Variants in PAAF1 observed in about 807,000 individuals in gnomAD.
PAAF1 encodes proteasomal ATPase associated factor 1.
In PAAF1, 46 loss-of-function variants were observed where a neutral mutation model predicts 52.8. That is an observed-to-expected ratio of 0.87 (90% CI 0.69 to 1.11). The LOEUF is 1.11. PAAF1 is among the 50% of genes most tolerant of loss of function. The pLI, the probability that PAAF1 is intolerant of heterozygous loss-of-function variation, is 0.00. For missense variants in PAAF1, 424 were observed against 477.4 expected, an observed-to-expected ratio of 0.89 and a Z score of 1.04; for synonymous variants, 178 against 172.8, an observed-to-expected ratio of 1.03 and a Z score of -0.24.
chr11:73,918,896 C>T (rs1459521225), intron 9 of PAAF1, 54 bp from the exon 10 acceptor site: 12 of 1,342,538 alleles, frequency 8.9e-6, no homozygotes, highest in African/African-American at 1.4e-5. Context: ...TGAATATAGT[C>T]AAGTATTGCT....
At chr11:73,894,269 A>G (rs1006907204) in intron 4 of PAAF1, among the ~76,000 whole-genome samples, 1 of 152,068 alleles carries the variant, frequency 6.6e-6, no homozygotes, top group African/African-American at 2.4e-5. Context: ...CTGGGAGTCC[A>G]AGGCAGGAGG....
At chr11:73,878,530 A>G (rs759592281) in intron 1 of PAAF1, among the ~76,000 whole-genome samples, 1 of 152,226 alleles carries the variant, frequency 6.6e-6, no homozygotes, top group Non-Finnish European at 1.5e-5. Flanking sequence ...AAGTGAGCTC[A>G]CTGTTGATGG....
rs930865150 is a variant in PAAF1, at chr11:73,930,800, T to C, written c.*3438T>C. 1 of 150,352 alleles carries C rather than the reference T, an allele frequency of 6.7e-6. No homozygotes were observed. The highest frequency in any genetic ancestry group is 2.4e-5 in the African/African-American group (1 of 41,044). 9.3% of individuals were successfully genotyped at this position (150,352 alleles called of 1,614,324 possible). On this transcript the variant is annotated 3_prime_UTR_variant, in exon 12 of 12. Coordinates refer to ENST00000310571, the MANE Select transcript of PAAF1 (RefSeq NM_025155.3). ...ATATGTATATATATATATTTATATA[T>C]GTAGAAGCAGTGAGTAGAATGGTGG...
At chr11:73,896,306 A>T (rs1033780400) in intron 4 of PAAF1, among the ~76,000 whole-genome samples, 905 of 113,106 alleles carry the variant, frequency 8.0e-3, no homozygotes, top group East Asian at 0.01. Flanking sequence ...TTTTTTATTT[A>T]TTTTTTTTTT....
Position 73,897,209 on chromosome 11 carries a change from C to G in PAAF1, c.283-1937C>G, listed in dbSNP as rs1227116468. Among the ~76,000 whole-genome samples, 489 of 129,886 alleles carry G rather than the reference C, an allele frequency of 3.8e-3. 7 individuals are homozygous for G. The highest frequency in any genetic ancestry group is 0.014 in the African/African-American group (431 of 30,910). The allele number at this position is 129,886 out of a possible 152,430, so 85.2% of individuals were successfully genotyped here. On this transcript the variant is annotated intron_variant, in intron 4 of 11. Coordinates refer to ENST00000310571, the MANE Select transcript of PAAF1 (RefSeq NM_025155.3). ...CTGACCCCCCCACCTCCCTCCCGGA[C>G]GGGGCGGCTGGCCGGGCGGGGGGCT...
upstream of PAAF1, chr11:73,876,808 G>A (rs76332820): frequency 4.7e-6 from 2 of 430,052 alleles, no homozygotes; most frequent in Non-Finnish European, 8.0e-6. Context: ...CGGCGGCTTG[G>A]GTTTCGCAGG....
intron 10 of PAAF1, among the ~76,000 whole-genome samples, chr11:73,921,497 T>C (rs1010769713): frequency 3.9e-5 from 6 of 152,216 alleles, no homozygotes; most frequent in Non-Finnish European, 7.3e-5. Context: ...TAACCCACTT[T>C]CTTTTCTCCC....
At position 73,899,136 on chromosome 11, in the gene PAAF1, C is replaced by G. The variant is rs369694380; in HGVS notation, c.283-10C>G. On this transcript the variant is annotated splice_polypyrimidine_tract_variant and intron_variant, in intron 4 of 11. Coordinates refer to ENST00000310571, the MANE Select transcript of PAAF1 (RefSeq NM_025155.3). Reference sequence around the variant, plus strand: ...ATTTCTAACACATTGTTTGTTTTCTCTTTGAACAGATAACATGCCTGGACA... The same window carrying G: ...ATTTCTAACACATTGTTTGTTTTCTGTTTGAACAGATAACATGCCTGGACA... 1.2e-6 allele frequency: 2 copies of G among 1,602,424 alleles called. No individual in the cohort carries two copies. The highest frequency in any genetic ancestry group is 3.3e-5 in the Admixed American group (2 of 59,910).
At position 73,878,528 on chromosome 11, in the gene PAAF1, T is replaced by C. The variant is rs1468536466; in HGVS notation, c.48-251T>C. Among the ~76,000 whole-genome samples, 3 of 152,220 alleles carry C rather than the reference T, an allele frequency of 2.0e-5. No homozygotes were observed. In the East Asian group the frequency reaches 5.8e-4, roughly 29 times the overall value. On this transcript the variant is annotated intron_variant, in intron 1 of 11. Transcript: ENST00000310571. ...ATAACCTTGATTTTTCAAAGTGAGCTCACTGTTGATGGATGAGCATTAATT... is the reference window on the plus strand; with the variant it reads ...ATAACCTTGATTTTTCAAAGTGAGCCCACTGTTGATGGATGAGCATTAATT...
Position 73,878,760 on chromosome 11 carries a change from C to T in PAAF1, c.48-19C>T. ...TCAACTTTGGGTAAGCCTAATTAGG[C>T]TTTTGTCTTTCTTCGTAGGAAGGAT... On this transcript the variant is annotated intron_variant, in intron 1 of 11. Coordinates refer to ENST00000310571, the MANE Select transcript of PAAF1 (RefSeq NM_025155.3). 1 of 1,612,774 alleles carries T rather than the reference C, an allele frequency of 6.2e-7. No homozygotes were observed. The highest frequency in any genetic ancestry group is 8.5e-7 in the Non-Finnish European group (1 of 1,179,272).
intron 4 of PAAF1, 117 bp downstream of exon 4, chr11:73,891,318 T>A (rs903276282): frequency 1.6e-6 from 1 of 624,548 alleles, no homozygotes; most frequent in East Asian, 3.0e-5. Context: ...TTACTTTGCA[T>A]TGTAAGATGA....
At chr11:73,904,979 G>T (rs1487892494) in intron 6 of PAAF1, among the ~76,000 whole-genome samples, 3 of 152,168 alleles carry the variant, frequency 2.0e-5, no homozygotes, top group Non-Finnish European at 2.9e-5. Flanking sequence ...CCAGCTGGGT[G>T]CAGTGGTGCA....
chr11:73,901,479 A>G (rs913922461), intron 6 of PAAF1, among the ~76,000 whole-genome samples: 2 of 152,166 alleles, frequency 1.3e-5, no homozygotes, highest in Non-Finnish European at 2.9e-5. Context: ...TGGAACCATA[A>G]TACATATTGC....
At chr11:73,880,295 A>AATAT (rs368948648) in intron 2 of PAAF1, 5 of 151,484 alleles carry the variant, frequency 3.3e-5, no homozygotes, top group African/African-American at 1.2e-4. Flanking sequence ...CAAATACACA[A>AATAT]ATATATATAT....
rs1554975817 is a variant in PAAF1 at position 73,880,686 on chromosome 11, C to CGAA, written c.88+1868_88+1870dup. On this transcript the variant is annotated intron_variant, in intron 2 of 11. Coordinates refer to ENST00000310571, the MANE Select transcript of PAAF1 (RefSeq NM_025155.3). The stretch of plus-strand genomic sequence containing the variant: ...TGGATGACTGAGCAAGACTCTGTCT[C>CGAA]GAAAAAAAAAAAAAAAAAAAAAAAA... 9.2e-4 allele frequency: 35 copies of CGAA among 38,066 alleles called. 2 individuals are homozygous for CGAA. In the East Asian group the frequency reaches 0.026, roughly 28 times the overall value. The allele number at this position is 38,066 out of a possible 1,614,324, so 2.4% of individuals were successfully genotyped here.
rs1464205373 is a variant in PAAF1 at position 73,890,508 on chromosome 11, T to G, written c.193-604T>G. ...ACAACCAGTCTATGAACATGTACAG[T>G]CAATTTAAGTCTTAGGAGGGAATAG... On this transcript the variant is annotated intron_variant, in intron 3 of 11. Coordinates refer to ENST00000310571, the MANE Select transcript of PAAF1 (RefSeq NM_025155.3). Among the ~76,000 whole-genome samples the G allele has an allele frequency of 2.0e-5, 3 of 152,128 alleles. No homozygotes were observed. In the East Asian group the frequency reaches 5.8e-4, roughly 29 times the overall value.
intron 7 of PAAF1, among the ~76,000 whole-genome samples, 178 bp from the exon 8 acceptor site, chr11:73,914,235 G>A (rs1231733839): frequency 6.6e-6 from 1 of 152,136 alleles, no homozygotes; most frequent in Non-Finnish European, 1.5e-5. Flanking sequence ...TGTGAGTTTT[G>A]ACAAATATAT....
At chr11:73,918,919 AAG>A in intron 9 of PAAF1, 29 bp from the exon 10 acceptor site, 1 of 1,571,108 alleles carries the variant, frequency 6.4e-7, no homozygotes, top group Non-Finnish European at 8.8e-7. Context: ...TGAAGAAAGA[AAG>A]TAAAATTTCC....
At chr11:73,895,887 G>A (rs1949333349) in intron 4 of PAAF1, among the ~76,000 whole-genome samples, 1 of 152,188 alleles carries the variant, frequency 6.6e-6, no homozygotes, top group Admixed American at 6.5e-5. Context: ...CAGAAGGATA[G>A]CTTGAGCCCA....
Sources: allele counts gnomAD v4.1 joint callset (sites outside exome capture counted in the v4.1 genomes callset), GRCh38; gene constraint gnomAD v4.1.1; transcripts MANE v1.5; gene names NCBI Gene and HGNC (gene_info 2026-07-23, HGNC 2026-07-21).